CPSF4: variants seen among roughly 807,000 people sequenced by gnomAD.
CPSF4 encodes cleavage and polyadenylation specificity factor subunit 4.
A neutral mutation model predicts 37.7 loss-of-function variants in CPSF4; 11 were observed. That is an observed-to-expected ratio of 0.29 (90% CI 0.18 to 0.48). The LOEUF (loss-of-function observed/expected upper bound fraction) is 0.48, where lower values mean the gene tolerates loss of function less well. CPSF4 is among the 20% of genes least tolerant of loss of function. The pLI, the probability that CPSF4 is intolerant of heterozygous loss-of-function variation, is 0.99. For synonymous variants in CPSF4, 132 were observed against 135.9 expected (o/e 0.97, Z 0.20); for missense variants, 144 against 359.5 (o/e 0.40, Z 4.85).
chr7:99,455,685 GTT>G (rs575515655), intron 7 of CPSF4, among the ~76,000 whole-genome samples: 317 of 152,270 alleles, frequency 2.1e-3, no homozygotes, highest in Non-Finnish European at 3.9e-3. Context: ...TGAGGCTGCC[GTT>G]TTAGGAGTCA....
intron 1 of CPSF4, among the ~76,000 whole-genome samples, chr7:99,440,882 A>C (rs889551723): frequency 2.7e-5 from 4 of 145,668 alleles, no homozygotes; most frequent in Non-Finnish European, 6.0e-5. Flanking sequence ...ATTCACACAC[A>C]CACACCCCCT....
chr7:99,444,724 C>T, intron 1 of CPSF4, 65 bp from the exon 2 acceptor site: 1 of 1,498,722 alleles, frequency 6.7e-7, no homozygotes, highest in Non-Finnish European at 9.3e-7. Context: ...CTCCCACTGT[C>T]TTCAGACATT....
rs1390822893 is a variant in CPSF4, at chr7:99,450,719, C to G, written c.421C>G (p.Arg141Gly). Reference sequence around the variant, plus strand: ...CTCTGCAGGTCCCCTCTGCAGGCACCGGCACACACGGAGAGTCATCTGTGT... The same window carrying G: ...CTCTGCAGGTCCCCTCTGCAGGCACGGGCACACACGGAGAGTCATCTGTGT... ...FCKHGPLCRH[R>G]HTRRVICVNY... The change falls in exon 5 of 8, where the codon CGG (arginine) becomes GGG (glycine). Residue 141 changes from arginine (R) to glycine (G), a missense_variant. Physicochemically the swap from Arg to Gly is moderately radical, Grantham distance 125. Transcript: ENST00000292476. The G allele has an allele frequency of 6.2e-7, 1 of 1,613,992 alleles. No individual in the cohort carries two copies. Among genetic ancestry groups the G allele is most frequent in the Non-Finnish European group, 8.5e-7 (1 of 1,179,866 alleles).
chr7:99,450,977 A>G (rs1405576906), intron 5 of CPSF4, 182 bp downstream of exon 5: 1 of 592,236 alleles, frequency 1.7e-6, no homozygotes, highest in Non-Finnish European at 3.0e-6. Context: ...CTGAGCCCGC[A>G]GGTGGCTCTG....
chr7:99,443,193 G>T, intron 1 of CPSF4: 1 of 780,998 alleles, frequency 1.3e-6, no homozygotes. Flanking sequence ...GAATTGTTCG[G>T]CCCTCTTCTG....
At chr7:99,446,076 C>T (rs1385907053) in intron 2 of CPSF4, among the ~76,000 whole-genome samples, 1 of 152,154 alleles carries the variant, frequency 6.6e-6, no homozygotes, top group Non-Finnish European at 1.5e-5. Context: ...GTGAGTTTTG[C>T]TTCTATAACG....
intron 1 of CPSF4, among the ~76,000 whole-genome samples, chr7:99,440,704 C>A (rs1026894486): frequency 9.0e-6 from 1 of 110,994 alleles, no homozygotes; most frequent in Non-Finnish European, 1.7e-5. Context: ...CCTGCCTGTC[C>A]CACAACTTTA....
chr7:99,447,137 A>G (rs1187957062), intron 2 of CPSF4, among the ~76,000 whole-genome samples: 1 of 151,592 alleles, frequency 6.6e-6, no homozygotes, highest in Non-Finnish European at 1.5e-5. Flanking sequence ...TTATTTATTT[A>G]TGTAGTGAAG....
intron 1 of CPSF4, among the ~76,000 whole-genome samples, chr7:99,439,782 G>A (rs979050673): frequency 6.6e-6 from 1 of 152,070 alleles, no homozygotes; most frequent in African/African-American, 2.4e-5. Flanking sequence ...ATGTGCTGAG[G>A]GAAGGACCAC....
intron 2 of CPSF4, among the ~76,000 whole-genome samples, chr7:99,447,081 G>A (rs1440455363): frequency 3.3e-5 from 5 of 150,400 alleles, no homozygotes; most frequent in Admixed American, 3.3e-4. Flanking sequence ...GTGAGCCACT[G>A]TGCCTGGTCC....
intron 1 of CPSF4, among the ~76,000 whole-genome samples, chr7:99,440,034 C>T (rs982207039): frequency 9.2e-5 from 14 of 152,146 alleles, no homozygotes; most frequent in African/African-American, 3.1e-4. Flanking sequence ...TAAAAGAAAC[C>T]AGTAGTTTTC....
At chr7:99,454,301 G>A (rs1265301650) in intron 7 of CPSF4, among the ~76,000 whole-genome samples, 165 bp downstream of exon 7, 1 of 152,254 alleles carries the variant, frequency 6.6e-6, no homozygotes, top group Non-Finnish European at 1.5e-5. Context: ...GTGGGCTAGA[G>A]ACTGTCCTAT....
intron 1 of CPSF4, among the ~76,000 whole-genome samples, chr7:99,444,586 T>G (rs1341260759): frequency 6.6e-6 from 1 of 152,174 alleles, no homozygotes; most frequent in Non-Finnish European, 1.5e-5. Flanking sequence ...TCTCAATGTA[T>G]GTGTCTCATT....
At position 99,456,957 on chromosome 7, in the gene CPSF4, A is replaced by G. The variant is rs756699053; in HGVS notation, c.*457A>G. On this transcript the variant is annotated 3_prime_UTR_variant, in exon 8 of 8. Transcript: ENST00000292476. Reference sequence around the variant, plus strand: ...CCTGCTGAATCCTAAAGCTGTGCCTATATCTGTGATTTGAATGAGGGAGCC... The same window carrying G: ...CCTGCTGAATCCTAAAGCTGTGCCTGTATCTGTGATTTGAATGAGGGAGCC... 4.5e-5 allele frequency: 13 copies of G among 290,854 alleles called. No homozygotes were observed. Among genetic ancestry groups the G allele is most frequent in the East Asian group, 2.5e-4 (3 of 11,930 alleles). The allele number at this position is 290,854 out of a possible 1,614,324, so 18.0% of individuals were successfully genotyped here. A position where few individuals can be genotyped will look rare whatever the true frequency, so the allele number is the denominator to read the frequency against.
In CPSF4 at chr7:99,453,722, T is replaced by C; in HGVS notation, c.571-244T>C. 1 of 478,202 alleles carries C rather than the reference T, an allele frequency of 2.1e-6. No individual in the cohort carries two copies. Among genetic ancestry groups the C allele is most frequent in the Non-Finnish European group, 3.7e-6 (1 of 269,438 alleles). The allele number at this position is 478,202 out of a possible 1,614,324, so 29.6% of individuals were successfully genotyped here. On this transcript the variant is annotated intron_variant, in intron 6 of 7. Coordinates refer to ENST00000292476, the MANE Select transcript of CPSF4 (RefSeq NM_006693.4). The surrounding 1 kb of genome is among the most constrained non-coding windows in gnomAD (Gnocchi z 4.7). ...TGCCCCAGAGACCTCCTCTTGTCTC[T>C]TTGATGTTTTGTTTTCTATTTTATT... is the stretch of plus-strand genomic sequence containing the variant.
chr7:99,444,965 A>G (rs936588942), intron 2 of CPSF4, 126 bp downstream of exon 2: 13 of 846,164 alleles, frequency 1.5e-5, no homozygotes, highest in Non-Finnish European at 2.3e-5. Context: ...ATCTCTGTAG[A>G]TAAAACTGGT....
chr7:99,442,782 C>G, intron 1 of CPSF4: 1 of 686,348 alleles, frequency 1.5e-6, no homozygotes, highest in South Asian at 1.6e-5. Flanking sequence ...GGGGTACCTG[C>G]TCCCTCATTG....
chr7:99,446,956 A>G (rs1328297754), intron 2 of CPSF4, among the ~76,000 whole-genome samples: 1 of 150,376 alleles, frequency 6.6e-6, no homozygotes, highest in Non-Finnish European at 1.5e-5. Context: ...CGCCCAGCTA[A>G]TTTTTTGTAT....
At chr7:99,450,950 A>G (rs1797887972) in intron 5 of CPSF4, 155 bp downstream of exon 5, 1 of 609,174 alleles carries the variant, frequency 1.6e-6, no homozygotes, top group African/African-American at 1.8e-5. Context: ...ATCCCTGCTT[A>G]TGGCCACCAA....
Sources: gnomAD v4.1 joint callset for allele counts (sites outside exome capture counted in the v4.1 genomes callset) on GRCh38, gnomAD v4.1.1 for gene constraint, Gnocchi (gnomAD v3.1) non-coding constraint, MANE v1.5 for transcripts, NCBI Gene and HGNC (gene_info 2026-07-23, HGNC 2026-07-21) for gene names.